NPR2: variants seen among roughly 807,000 people sequenced by gnomAD.
NPR2 encodes atrial natriuretic peptide receptor 2.
Under a neutral mutation model 120.7 loss-of-function variants are expected in NPR2, and 49 were observed. That is an observed-to-expected ratio of 0.41 (90% CI 0.32 to 0.52). NPR2 has a LOEUF of 0.52. NPR2 is among the 20% of genes least tolerant of loss of function. NPR2 has a pLI of 0.36. For missense variants in NPR2, 931 were observed against 1,362.9 expected, an observed-to-expected ratio of 0.68 and a Z score of 4.99; for synonymous variants, 484 against 519.8, an observed-to-expected ratio of 0.93 and a Z score of 0.94.
In NPR2 at chr9:35,805,307, G is replaced by A. The variant is rs574692720; in HGVS notation, c.1888-204G>A. ...CTGTCCCTGGTGGCTGGGTGCCTGT[G>A]TCCTGCTTATGATACCAGGAACAGA... On this transcript the variant is annotated intron_variant, in intron 12 of 21. Coordinates refer to ENST00000342694, the MANE Select transcript of NPR2 (RefSeq NM_003995.4). This position sits in a 1 kb window ranked among gnomAD's most constrained non-coding sequence, Gnocchi z 4.9. Among the ~76,000 whole-genome samples, 2 of 152,296 alleles carry A rather than the reference G, an allele frequency of 1.3e-5. No homozygotes were observed. The highest frequency in any genetic ancestry group is 3.9e-4 in the East Asian group (2 of 5,190).
intron 12 of NPR2, among the ~76,000 whole-genome samples, chr9:35,804,292 G>T (rs1427863459): frequency 1.3e-5 from 2 of 151,234 alleles, no homozygotes; most frequent in African/African-American, 4.9e-5. Flanking sequence ...AGAGTGTAGT[G>T]GCTAGGTCAC....
chr9:35,797,736 T>G (rs1335759515), intron 2 of NPR2, among the ~76,000 whole-genome samples: 1 of 152,164 alleles, frequency 6.6e-6, no homozygotes, highest in Admixed American at 6.5e-5. Flanking sequence ...TGGGTTTTTT[T>G]TTTTGGTTTG....
chr9:35,804,133 TG>T (rs1828275065), intron 12 of NPR2, among the ~76,000 whole-genome samples: 1 of 152,196 alleles, frequency 6.6e-6, no homozygotes, highest in Admixed American at 6.5e-5. Context: ...TAGACAGAAA[TG>T]TTTTTTGTTA....
intron 3 of NPR2, 75 bp from the exon 4 acceptor site, chr9:35,799,946 AG>A: frequency 6.3e-7 from 1 of 1,597,700 alleles, no homozygotes; most frequent in Non-Finnish European, 8.6e-7. Context: ...GAGAATAGGT[AG>A]AAGGGAGACC....
Position 35,792,619 on chromosome 9 carries a change from C to G in NPR2, c.211C>G (p.Leu71Val), listed in dbSNP as rs779161200. 1 of 1,613,818 alleles carries G rather than the reference C, an allele frequency of 6.2e-7. No homozygotes were observed. Among genetic ancestry groups the G allele is most frequent in the Non-Finnish European group, 8.5e-7 (1 of 1,180,042 alleles). The change falls in exon 1 of 22, where the codon CTG becomes GTG. Residue 71 changes from leucine to valine, a missense_variant. Leu to Val is a conservative substitution (Grantham distance 32). This residue lies in a region of NPR2 where 681 missense variants were observed against 974.3 expected (regional missense o/e 0.70). Transcript: ENST00000342694. The part of the protein sequence containing the change: ...PVDLRFVSSE[L>V]EGACSEYLAP... ...GGACCTGCGGTTTGTCAGCTCCGAACTGGAAGGCGCCTGCTCTGAGTACCT... is the reference window on the plus strand; with the variant it reads ...GGACCTGCGGTTTGTCAGCTCCGAAGTGGAAGGCGCCTGCTCTGAGTACCT...
Position 35,800,443 on chromosome 9 carries a change from TC to T in NPR2, c.1180del (p.Leu394SerfsTer35). ...DKNNDRETDF[V>X]LWAMGDLDSG... ...AACAATGACCGAGAGACTGACTTTG[TC>T]CTCTGGGCCATGGGAGACCTGGATT... On this transcript the variant is annotated frameshift_variant, in exon 5 of 22. Coordinates refer to ENST00000342694, the MANE Select transcript of NPR2 (RefSeq NM_003995.4). LOFTEE classifies it high-confidence loss of function. This position sits in a 1 kb window ranked among gnomAD's most constrained non-coding sequence, Gnocchi z 4.7. 1 of 1,614,064 alleles carries T rather than the reference TC, an allele frequency of 6.2e-7. No homozygotes were observed. Among genetic ancestry groups the T allele is most frequent in the Non-Finnish European group, 8.5e-7 (1 of 1,179,956 alleles).
chr9:35,803,920 G>A (rs1416617256), intron 12 of NPR2, among the ~76,000 whole-genome samples: 1 of 152,208 alleles, frequency 6.6e-6, no homozygotes, highest in Non-Finnish European at 1.5e-5. Flanking sequence ...CGACTCTTGA[G>A]AGAACAGTGA....
chr9:35,796,868 C>T (rs1827960135), intron 2 of NPR2, among the ~76,000 whole-genome samples: 1 of 152,174 alleles, frequency 6.6e-6, no homozygotes, highest in African/African-American at 2.4e-5. Flanking sequence ...GAGCCTTTCT[C>T]CCAGAGACAC....
In NPR2 at chr9:35,792,657, C is replaced by A. The variant is rs1238734284; in HGVS notation, c.249C>A (p.Ser83Arg). The A allele has an allele frequency of 6.2e-7, 1 of 1,614,094 alleles. No individual in the cohort carries two copies. Among genetic ancestry groups the A allele is most frequent in the Non-Finnish European group, 8.5e-7 (1 of 1,180,032 alleles). ...GCTCTGAGTACCTGGCACCGCTGAG[C>A]GCTGTGGACCTCAAGCTGTACCATG... ...GACSEYLAPL[S>R]AVDLKLYHDP... Residue 83 changes from serine to arginine, a missense_variant, in exon 1 of 22, where the codon AGC (serine) becomes AGA (arginine). Ser to Arg is a moderately radical substitution (Grantham distance 110). Coordinates refer to ENST00000342694, the MANE Select transcript of NPR2 (RefSeq NM_003995.4).
chr9:35,808,541 A>G lies in NPR2; in HGVS notation c.2745A>G (p.Val915=), dbSNP rs1310180378. ...VETIGDAYMV[V]SGLPGRNGQR... Reference sequence around the variant, plus strand: ...CGATTGGGGATGCTTACATGGTGGTATCTGGCCTCCCAGGCCGAAATGGTC... The same window carrying G: ...CGATTGGGGATGCTTACATGGTGGTGTCTGGCCTCCCAGGCCGAAATGGTC... Residue 915 remains valine, a synonymous_variant, in exon 19 of 22, where the codon GTA becomes GTG. Coordinates refer to ENST00000342694, the MANE Select transcript of NPR2 (RefSeq NM_003995.4). This position sits in a 1 kb window ranked among gnomAD's most constrained non-coding sequence, Gnocchi z 4.0. 21 of 1,614,106 alleles carry G rather than the reference A, an allele frequency of 1.3e-5. No individual in the cohort carries two copies. The highest frequency in any genetic ancestry group is 1.8e-5 in the Non-Finnish European group (21 of 1,180,042).
At position 35,792,159 on chromosome 9, in the gene NPR2, C is replaced by T; in HGVS notation, c.-250C>T. 1 of 516,398 alleles carries T rather than the reference C, an allele frequency of 1.9e-6. No individual in the cohort carries two copies. Among genetic ancestry groups the T allele is most frequent in the Non-Finnish European group, 3.5e-6 (1 of 285,708 alleles). The allele number at this position is 516,398 out of a possible 1,614,324, so 32.0% of individuals were successfully genotyped here. The stretch of plus-strand genomic sequence containing the variant: ...AGGCCCCCTCGGTCCCTCCCTCCCC[C>T]TGCCACCCCGTTCTCAGTCCTCAGT... On this transcript the variant is annotated 5_prime_UTR_variant, in exon 1 of 22. Transcript: ENST00000342694.
rs776861742 is a variant in NPR2, at chr9:35,809,348, C to G, written c.3079-32C>G. On this transcript the variant is annotated intron_variant, in intron 21 of 21. Coordinates refer to ENST00000342694, the MANE Select transcript of NPR2 (RefSeq NM_003995.4). This position sits in a 1 kb window ranked among gnomAD's most constrained non-coding sequence, Gnocchi z 4.1. ...GGAGACAAAGGGACTAACATCGAAG[C>G]ATCTGAATCATGTCCACTCTCCCAC... 2 of 1,613,210 alleles carry G rather than the reference C, an allele frequency of 1.2e-6. No homozygotes were observed. Among genetic ancestry groups the G allele is most frequent in the South Asian group, 2.2e-5 (2 of 91,056 alleles).
In NPR2 at chr9:35,809,429, C is replaced by G; in HGVS notation, c.3128C>G (p.Pro1043Arg). ...TGGCTCTTAGGAGAGCGGAAAGGAC[C>G]TCCTGGACTCCTGTAAACCCCCATT... ...TYWLLGERKG[P>R]PGLL The change falls in exon 22 of 22, where the codon CCT (proline) becomes CGT (arginine). Residue 1043 changes from proline (P) to arginine (R), a missense_variant. Around this residue, in one of 3 missense-constraint regions of NPR2, gnomAD observed 184 missense variants for 328.3 expected, o/e 0.56. Transcript: ENST00000342694. This position sits in a 1 kb window ranked among gnomAD's most constrained non-coding sequence, Gnocchi z 4.1. 1 of 1,614,170 alleles carries G rather than the reference C, an allele frequency of 6.2e-7. No individual in the cohort carries two copies. Among genetic ancestry groups the G allele is most frequent in the Non-Finnish European group, 8.5e-7 (1 of 1,180,036 alleles).
At position 35,807,448 on chromosome 9, in the gene NPR2, C is replaced by T. The variant is rs1034323585; in HGVS notation, c.2712+50C>T. ...TAGAAGACCCTTTAATAGAGACCCGCTTTGAAACTCAGTCTCCCTGAACCC... is the reference window on the plus strand; with the variant it reads ...TAGAAGACCCTTTAATAGAGACCCGTTTTGAAACTCAGTCTCCCTGAACCC... On this transcript the variant is annotated intron_variant, in intron 18 of 21. Coordinates refer to ENST00000342694, the MANE Select transcript of NPR2 (RefSeq NM_003995.4). 9 of 1,422,944 alleles carry T rather than the reference C, an allele frequency of 6.3e-6. No homozygotes were observed. The African/African-American group carries it at 1.1e-4, about 18-fold the overall frequency. The allele number at this position is 1,422,944 out of a possible 1,614,324, so 88.1% of individuals were successfully genotyped here. A position where few individuals can be genotyped will look rare whatever the true frequency, so the allele number is the denominator to read the frequency against.
rs771588242 is a variant in NPR2 at position 35,808,685 on chromosome 9, T to C, written c.2887+2T>C. 1.2e-6 allele frequency: 2 copies of C among 1,613,882 alleles called. No homozygotes were observed. Among genetic ancestry groups the C allele is most frequent in the Non-Finnish European group, 8.5e-7 (1 of 1,179,904 alleles). On this transcript the variant is annotated splice_donor_variant, in intron 19 of 21. Transcript: ENST00000342694. LOFTEE classifies it high-confidence loss of function. The surrounding 1 kb of genome is among the most constrained non-coding windows in gnomAD (Gnocchi z 4.0). ...GGCTACGCATAGGGGTCCATACTGG[T>C]AAGGCTGACTCTCACTCCAGCCCTA...
Position 35,809,133 on chromosome 9 carries a change from C to T in NPR2, c.2987-23C>T, listed in dbSNP as rs75116037. The T allele has an allele frequency of 2.5e-6, 4 of 1,593,392 alleles. No homozygotes were observed. In the East Asian group the frequency reaches 8.9e-5, roughly 36 times the overall value. On this transcript the variant is annotated intron_variant, in intron 20 of 21. Coordinates refer to ENST00000342694, the MANE Select transcript of NPR2 (RefSeq NM_003995.4). This position sits in a 1 kb window ranked among gnomAD's most constrained non-coding sequence, Gnocchi z 4.1. ...TTTCTTTGATTCCTCATTCCACCAT[C>T]CTCCCCATTCCACCCACCCCAGCGC...
chr9:35,802,162 CTT>C lies in NPR2; in HGVS notation c.1633-43_1633-42del. 1 of 1,387,690 alleles carries C rather than the reference CTT, an allele frequency of 7.2e-7. No individual in the cohort carries two copies. Among genetic ancestry groups the C allele is most frequent in the South Asian group, 1.2e-5 (1 of 86,496 alleles). 86.0% of individuals were successfully genotyped at this position (1,387,690 alleles called of 1,614,324 possible). On this transcript the variant is annotated intron_variant, in intron 9 of 21. Coordinates refer to ENST00000342694, the MANE Select transcript of NPR2 (RefSeq NM_003995.4). The surrounding 1 kb of genome is among the most constrained non-coding windows in gnomAD (Gnocchi z 4.2). ...CTCTAGCATTTCCTTGTACCCAGAA[CTT>C]CTGATATTCACTTTCCTTTCCCCTT...
chr9:35,808,997 T>C lies in NPR2; in HGVS notation c.2986+144T>C. 2.1e-6 allele frequency: 2 copies of C among 935,130 alleles called. No homozygotes were observed. Among genetic ancestry groups the C allele is most frequent in the Non-Finnish European group, 3.5e-6 (2 of 567,926 alleles). The allele number at this position is 935,130 out of a possible 1,614,324, so 57.9% of individuals were successfully genotyped here. A position where few individuals can be genotyped will look rare whatever the true frequency, so the allele number is the denominator to read the frequency against. On this transcript the variant is annotated intron_variant, in intron 20 of 21. Coordinates refer to ENST00000342694, the MANE Select transcript of NPR2 (RefSeq NM_003995.4). This position sits in a 1 kb window ranked among gnomAD's most constrained non-coding sequence, Gnocchi z 4.0. ...GGGCATATTTTGGTTCTAATAGATA[T>C]GCATTGGGAGGTTGGGCATATTTTG...
chr9:35,800,190 C>A lies in NPR2; in HGVS notation c.1123+33C>A, dbSNP rs562796195. ...AGAGGGGTCAATGGGGGTCTGAGGG[C>A]TGATGTCAGGAATAGAGTGGGCTGA... On this transcript the variant is annotated intron_variant, in intron 4 of 21. Transcript: ENST00000342694. This position sits in a 1 kb window ranked among gnomAD's most constrained non-coding sequence, Gnocchi z 4.7. 6.3e-6 allele frequency: 10 copies of A among 1,594,588 alleles called. No individual in the cohort carries two copies. In the South Asian group the frequency reaches 7.7e-5, roughly 12 times the overall value.
Sources: gnomAD v4.1 joint callset for allele counts (sites outside exome capture counted in the v4.1 genomes callset) on GRCh38, gnomAD v4.1.1 for gene constraint, gnomAD v4.1.1 regional missense constraint, Gnocchi (gnomAD v3.1) non-coding constraint, MANE v1.5 for transcripts, NCBI Gene and HGNC (gene_info 2026-07-23, HGNC 2026-07-21) for gene names.